RAB31: variants seen among roughly 807,000 people sequenced by gnomAD.
The protein encoded by RAB31 is RAB31, member RAS oncogene family.
Under a neutral mutation model 25.6 loss-of-function variants are expected in RAB31, and 21 were observed. That is an observed-to-expected ratio of 0.82 (90% CI 0.58 to 1.18). The LOEUF is 1.18. RAB31 is among the 50% of genes most tolerant of loss of function. The pLI is 0.00. For missense variants in RAB31, 196 were observed against 250.1 expected (o/e 0.78, Z 1.46); for synonymous variants, 87 against 84.0 (o/e 1.04, Z -0.20).
At chr18:9,846,106 T>C (rs886709735) in intron 6 of RAB31, among the ~76,000 whole-genome samples, 7 of 152,190 alleles carry the variant, frequency 4.6e-5, no homozygotes, top group Non-Finnish European at 1.0e-4. Context: ...CCTGATCATC[T>C]CCTACAAAAA....
rs1300769766 is a variant in RAB31, at chr18:9,708,896, C to A, written c.39+452C>A. ...TCCGCTTTTGATAGTTTCCTTCCGGCAGAAAGTTTAAGTTGCTCAGCCAAG... is the reference window on the plus strand; with the variant it reads ...TCCGCTTTTGATAGTTTCCTTCCGGAAGAAAGTTTAAGTTGCTCAGCCAAG... On this transcript the variant is annotated intron_variant, in intron 1 of 6. Transcript: ENST00000578921. The surrounding 1 kb of genome is among the most constrained non-coding windows in gnomAD (Gnocchi z 6.4). 1.3e-5 allele frequency among the ~76,000 whole-genome samples: 2 copies of A among 152,224 alleles called. No homozygotes were observed. The highest frequency in any genetic ancestry group is 4.8e-5 in the African/African-American group (2 of 41,454).
chr18:9,852,615 AT>A (rs754008830), intron 6 of RAB31, among the ~76,000 whole-genome samples: 2 of 150,426 alleles, frequency 1.3e-5, no homozygotes, highest in African/African-American at 2.4e-5. Flanking sequence ...CCTGAATAGT[AT>A]TCCATTGCAT....
At chr18:9,747,176 T>C (rs943211728) in intron 1 of RAB31, among the ~76,000 whole-genome samples, 4 of 152,208 alleles carry the variant, frequency 2.6e-5, no homozygotes, top group African/African-American at 4.8e-5. Context: ...ACATCATTAG[T>C]CATTAGGTAA....
chr18:9,751,139 T>C (rs1012199312), intron 1 of RAB31, among the ~76,000 whole-genome samples: 1 of 152,080 alleles, frequency 6.6e-6, no homozygotes, highest in Non-Finnish European at 1.5e-5. Context: ...GCTCAAACAG[T>C]CCTCCTGCCT....
chr18:9,840,462 A>T (rs1398082009), intron 5 of RAB31, among the ~76,000 whole-genome samples: 1 of 152,194 alleles, frequency 6.6e-6, no homozygotes, highest in African/African-American at 2.4e-5. Flanking sequence ...GCCTTTCTGC[A>T]TCATGGGTCT....
chr18:9,731,729 G>A (rs2068123907), intron 1 of RAB31, among the ~76,000 whole-genome samples: 1 of 151,076 alleles, frequency 6.6e-6, no homozygotes. Context: ...CTGAGTAGCT[G>A]GGATTACAGG....
At chr18:9,744,191 G>A (rs1429396692) in intron 1 of RAB31, among the ~76,000 whole-genome samples, 1 of 152,202 alleles carries the variant, frequency 6.6e-6, no homozygotes, top group Non-Finnish European at 1.5e-5. Flanking sequence ...TATGCATTGT[G>A]TAGAGCATAC....
In RAB31 at chr18:9,753,814, G is replaced by T. The variant is rs191021196; in HGVS notation, c.40-21464G>T. On this transcript the variant is annotated intron_variant, in intron 1 of 6. Coordinates refer to ENST00000578921, the MANE Select transcript of RAB31 (RefSeq NM_006868.4). ...AAAATGGGAACGATGATACCTCCCA[G>T]AGTCATCAGAAGATCAAATACAACC... Among the ~76,000 whole-genome samples the T allele has an allele frequency of 2.6e-5, 4 of 152,276 alleles. No individual in the cohort carries two copies. The East Asian group carries it at 7.7e-4, about 29-fold the overall frequency.
chr18:9,750,151 G>A (rs954146944), intron 1 of RAB31, among the ~76,000 whole-genome samples: 8 of 139,474 alleles, frequency 5.7e-5, no homozygotes, highest in African/African-American at 2.2e-4. Context: ...ACCGGGATCT[G>A]TGTTCTGGCT....
intron 3 of RAB31, among the ~76,000 whole-genome samples, chr18:9,795,524 A>G (rs2068482830): frequency 6.6e-6 from 1 of 152,226 alleles, no homozygotes; most frequent in South Asian, 2.1e-4. Context: ...CATGGAACTC[A>G]ACAAAATCAG....
intron 3 of RAB31, among the ~76,000 whole-genome samples, chr18:9,812,963 T>C (rs950235548): frequency 5.9e-5 from 9 of 151,928 alleles, no homozygotes; most frequent in Non-Finnish European, 7.4e-5. Flanking sequence ...CTCCCAAGTG[T>C]TGGGATTACA....
chr18:9,843,841 T>TCAGGCG (rs2068746986), intron 5 of RAB31, among the ~76,000 whole-genome samples: 1 of 152,160 alleles, frequency 6.6e-6, no homozygotes. Context: ...TAGACCCTAG[T>TCAGGCG]CAGGCGCTTT....
intron 1 of RAB31, among the ~76,000 whole-genome samples, chr18:9,762,055 G>C (rs1432153429): frequency 6.6e-6 from 1 of 152,132 alleles, no homozygotes; most frequent in Non-Finnish European, 1.5e-5. Context: ...TGATCCACCT[G>C]CCTCGGCCTC....
chr18:9,771,917 A>T (rs2068347198), intron 1 of RAB31, among the ~76,000 whole-genome samples: 2 of 152,248 alleles, frequency 1.3e-5, no homozygotes. Context: ...CAAAATAAAG[A>T]GACAGTGACT....
intron 1 of RAB31, among the ~76,000 whole-genome samples, chr18:9,744,678 A>G (rs1264987505): frequency 6.6e-6 from 1 of 152,240 alleles, no homozygotes; most frequent in Non-Finnish European, 1.5e-5. Flanking sequence ...GGCTTAAGAC[A>G]TTGGAAGTTT....
At chr18:9,785,446 T>C (rs534583493) in intron 2 of RAB31, among the ~76,000 whole-genome samples, 1 of 152,116 alleles carries the variant, frequency 6.6e-6, no homozygotes, top group Non-Finnish European at 1.5e-5. Context: ...TCTGGTAGGG[T>C]GTCATGATAT....
At chr18:9,832,100 TG>T (rs1283787606) in intron 5 of RAB31, among the ~76,000 whole-genome samples, 1 of 152,092 alleles carries the variant, frequency 6.6e-6, no homozygotes, top group Non-Finnish European at 1.5e-5. Flanking sequence ...TGCACTGCTG[TG>T]GTGGCCTTTA....
At chr18:9,718,078 T>C (rs1228356558) in intron 1 of RAB31, among the ~76,000 whole-genome samples, 2 of 151,850 alleles carry the variant, frequency 1.3e-5, no homozygotes, top group Non-Finnish European at 2.9e-5. Flanking sequence ...TGGTTTCTTT[T>C]GTAGAGATGG....
chr18:9,762,207 G>C (rs11663031), intron 1 of RAB31, among the ~76,000 whole-genome samples: 20,876 of 152,252 alleles, frequency 0.14, 1,879 homozygotes, highest in East Asian at 0.39. Flanking sequence ...CCATATGGGA[G>C]TGAATACTGG....
Sources: gnomAD v4.1 joint callset for allele counts (sites outside exome capture counted in the v4.1 genomes callset) on GRCh38, gnomAD v4.1.1 for gene constraint, Gnocchi (gnomAD v3.1) non-coding constraint, MANE v1.5 for transcripts, NCBI Gene and HGNC (gene_info 2026-07-23, HGNC 2026-07-21) for gene names.